Variants in FBXW7 observed in about 807,000 individuals in gnomAD.
FBXW7 encodes F-box and WD repeat domain containing 7.
FBXW7 carries 11 observed loss-of-function variants against 86.3 expected under a neutral mutation model. That is an observed-to-expected ratio of 0.13 (90% CI 0.08 to 0.21). The LOEUF is 0.21. Among genes scored for constraint, FBXW7 ranks in the 10% least tolerant of loss-of-function variants. The pLI is 1.00. For synonymous variants in FBXW7, 313 were observed against 297.9 expected (o/e 1.05, Z -0.52); for missense variants, 488 against 847.4 (o/e 0.58, Z 5.27).
intron 2 of FBXW7, among the ~76,000 whole-genome samples, chr4:152,489,644 C>A (rs1046852147): frequency 2.0e-5 from 3 of 152,030 alleles, no homozygotes; most frequent in Non-Finnish European, 2.9e-5. Context: ...GTTATTGATA[C>A]ATTTTAAGAG....
intron 2 of FBXW7, among the ~76,000 whole-genome samples, chr4:152,473,706 C>T (rs1252321019): frequency 6.6e-6 from 1 of 152,062 alleles, no homozygotes; most frequent in Non-Finnish European, 1.5e-5. Context: ...CTGCACAAAA[C>T]TGACTTTTTA....
intron 2 of FBXW7, among the ~76,000 whole-genome samples, chr4:152,504,096 G>T (rs1747197353): frequency 1.3e-5 from 2 of 152,166 alleles, no homozygotes; most frequent in African/African-American, 4.8e-5. Flanking sequence ...AAAAATGGCA[G>T]TATTCTTTTG....
intron 4 of FBXW7, among the ~76,000 whole-genome samples, chr4:152,385,289 T>C (rs1032552258): frequency 1.3e-5 from 2 of 152,042 alleles, no homozygotes; most frequent in Non-Finnish European, 2.9e-5. Context: ...ACATGTTCAT[T>C]TGGCATTTAG....
chr4:152,505,314 G>A (rs755366369), intron 2 of FBXW7, among the ~76,000 whole-genome samples: 13 of 152,164 alleles, frequency 8.5e-5, no homozygotes, highest in African/African-American at 1.2e-4. Context: ...TTTATAAACA[G>A]TGTGCACTTA....
intron 6 of FBXW7, among the ~76,000 whole-genome samples, chr4:152,343,505 G>A (rs1730943848): frequency 6.6e-6 from 1 of 152,086 alleles, no homozygotes; most frequent in South Asian, 2.1e-4. Context: ...ATAAAGGCAA[G>A]AATGGTTATA....
At chr4:152,432,794 A>G (rs1360927954) in intron 2 of FBXW7, among the ~76,000 whole-genome samples, 2 of 152,190 alleles carry the variant, frequency 1.3e-5, no homozygotes, top group Non-Finnish European at 2.9e-5. Flanking sequence ...CCTGGGAAAC[A>G]GAGCGAGACA....
Position 152,411,306 on chromosome 4 carries a change from T to C in FBXW7, c.498A>G (p.Thr166=), listed in dbSNP as rs781384579. 1.3e-6 allele frequency: 2 copies of C among 1,592,490 alleles called. No homozygotes were observed. The highest frequency in any genetic ancestry group is 1.1e-5 in the South Asian group (1 of 88,170). ...QLSSPFYTKT[T]KMKRKLDHGS... ...ACAATATATTGAATATACTCACTTT[T>C]GTTGTTTTTGTATAGAATGGGGAGG... The change falls in exon 4 of 14, where the codon ACA becomes ACG. Residue 166 remains threonine, a synonymous_variant. Coordinates refer to ENST00000281708, the MANE Select transcript of FBXW7 (RefSeq NM_001349798.2).
At chr4:152,378,699 T>A (rs1423750340) in intron 4 of FBXW7, among the ~76,000 whole-genome samples, 2 of 152,176 alleles carry the variant, frequency 1.3e-5, no homozygotes, top group African/African-American at 2.4e-5. Context: ...AAAGTCCATT[T>A]TCTTTCAACA....
chr4:152,408,197 T>C (rs188165055), intron 4 of FBXW7, among the ~76,000 whole-genome samples: 2 of 152,298 alleles, frequency 1.3e-5, no homozygotes, highest in East Asian at 3.9e-4. Flanking sequence ...TCAAACACAC[T>C]TCTCTTCATC....
chr4:152,374,357 T>C (rs72721608), intron 4 of FBXW7, among the ~76,000 whole-genome samples: 6,388 of 152,178 alleles, frequency 0.042, 220 homozygotes, highest in Non-Finnish European at 0.068. Context: ...TGTGTTTCTT[T>C]TTCATTTTCA....
chr4:152,332,536 T>C, intron 8 of FBXW7, 60 bp downstream of exon 8: 9 of 1,413,312 alleles, frequency 6.4e-6, no homozygotes, highest in Non-Finnish European at 8.5e-6. Flanking sequence ...TCTACTTGTT[T>C]TCAGAATCAC....
intron 4 of FBXW7, among the ~76,000 whole-genome samples, chr4:152,400,489 G>A (rs1736828279): frequency 6.6e-6 from 1 of 151,426 alleles, no homozygotes; most frequent in Non-Finnish European, 1.5e-5. Context: ...TCACAGGAAC[G>A]CACCACCATG....
In FBXW7 at chr4:152,496,492, A is replaced by T. The variant is rs1378832100; in HGVS notation, c.-120+38449T>A. On this transcript the variant is annotated intron_variant, in intron 2 of 13. Coordinates refer to ENST00000281708, the MANE Select transcript of FBXW7 (RefSeq NM_001349798.2). ...AGATCACCTAAGGTCAGGATGGCCA[A>T]CATGGCGAAACCCTGTCTCTACTAA... Among the ~76,000 whole-genome samples, 4 of 152,082 alleles carry T rather than the reference A, an allele frequency of 2.6e-5. 1 individual carries two copies. Among genetic ancestry groups the T allele is most frequent in the African/African-American group, 9.7e-5 (4 of 41,432 alleles).
chr4:152,413,388 T>C (rs1202732175), intron 2 of FBXW7, among the ~76,000 whole-genome samples: 3 of 152,066 alleles, frequency 2.0e-5, no homozygotes. Context: ...CTGGACATGA[T>C]GGGAATAGAA....
At chr4:152,498,346 C>T (rs1262562011) in intron 2 of FBXW7, among the ~76,000 whole-genome samples, 3 of 152,024 alleles carry the variant, frequency 2.0e-5, no homozygotes, top group Non-Finnish European at 4.4e-5. Flanking sequence ...AAGATATGAT[C>T]ACCTACTAAC....
chr4:152,320,580 CATAAAATTTAGATTTT>C lies in FBXW7; in HGVS notation c.*2285_*2300del, dbSNP rs1048090029. ...ACAACTTTATTTTTTCCCCTTACAT[CATAAAATTTAGATTTT>C]ATAAAATTTAGATTTGTTGAACAAA... On this transcript the variant is annotated 3_prime_UTR_variant, in exon 14 of 14. Transcript: ENST00000281708. The C allele has an allele frequency of 1.3e-5, 2 of 151,486 alleles. No individual in the cohort carries two copies. Among genetic ancestry groups the C allele is most frequent in the African/African-American group, 4.9e-5 (2 of 41,178 alleles). The allele number at this position is 151,486 out of a possible 1,614,324, so 9.4% of individuals were successfully genotyped here.
intron 2 of FBXW7, among the ~76,000 whole-genome samples, chr4:152,527,345 A>G (rs1031888338): frequency 1.2e-4 from 18 of 152,254 alleles, no homozygotes; most frequent in Admixed American, 2.0e-4. Context: ...GTTTTCAACC[A>G]TTTGGTAATT....
At chr4:152,338,628 A>C (rs911659027) in intron 6 of FBXW7, among the ~76,000 whole-genome samples, 5 of 151,980 alleles carry the variant, frequency 3.3e-5, no homozygotes, top group Non-Finnish European at 2.9e-5. Context: ...TTCAGAAATA[A>C]GAGTTCCTTT....
Position 152,321,030 on chromosome 4 carries a change from G to C in FBXW7, c.*1851C>G, listed in dbSNP as rs184028265. On this transcript the variant is annotated 3_prime_UTR_variant, in exon 14 of 14. Coordinates refer to ENST00000281708, the MANE Select transcript of FBXW7 (RefSeq NM_001349798.2). ...TTTATACACCCCAATGCAATCTACA[G>C]AGATGAGCACAGTGGAGTGTCCTCC... 2.1e-3 allele frequency: 356 copies of C among 172,258 alleles called. 8 individuals carry two copies. The highest frequency in any genetic ancestry group is 4.4e-4 in the Non-Finnish European group (35 of 79,614). 10.7% of individuals were successfully genotyped at this position (172,258 alleles called of 1,614,324 possible). A position where few individuals can be genotyped will look rare whatever the true frequency, so the allele number is the denominator to read the frequency against.
Sources: allele counts gnomAD v4.1 joint callset (sites outside exome capture counted in the v4.1 genomes callset), GRCh38; gene constraint gnomAD v4.1.1; transcripts MANE v1.5; gene names NCBI Gene and HGNC (gene_info 2026-07-23, HGNC 2026-07-21).